FANCC: variants seen among roughly 807,000 people sequenced by gnomAD.
The protein encoded by FANCC is Fanconi anemia group C protein.
In FANCC, 55 loss-of-function variants were observed where a neutral mutation model predicts 71.3. The ratio of observed to expected loss-of-function variants is 0.77; its 90% CI spans 0.62 to 0.97. The LOEUF is 0.97. FANCC is among the 50% of genes least tolerant of loss of function. The probability of loss-of-function intolerance (pLI) is 0.00; values close to 1 mark genes in which losing one functional copy is unlikely to be tolerated. For missense variants in FANCC, 678 were observed against 670.9 expected (o/e 1.01, Z -0.12); for synonymous variants, 275 against 244.9 (o/e 1.12, Z -1.15).
intron 4 of FANCC, among the ~76,000 whole-genome samples, chr9:95,187,072 C>T (rs1826773768): frequency 6.6e-6 from 1 of 152,092 alleles, no homozygotes; most frequent in Admixed American, 6.5e-5. Flanking sequence ...CGTGCCTGGC[C>T]TTAGGATAAT....
At chr9:95,166,428 C>T (rs1030109100) in intron 6 of FANCC, among the ~76,000 whole-genome samples, 2 of 152,036 alleles carry the variant, frequency 1.3e-5, no homozygotes, top group Non-Finnish European at 2.9e-5. Context: ...CATTAAACAT[C>T]TTAGAGTTAT....
At chr9:95,182,362 T>C (rs1210655313) in intron 4 of FANCC, among the ~76,000 whole-genome samples, 4 of 151,654 alleles carry the variant, frequency 2.6e-5, no homozygotes, top group East Asian at 1.9e-4. Flanking sequence ...CTACTAAAAA[T>C]ACAAAAAATT....
At chr9:95,187,132 A>G (rs1438126880) in intron 4 of FANCC, among the ~76,000 whole-genome samples, 1 of 152,160 alleles carries the variant, frequency 6.6e-6, no homozygotes, top group Non-Finnish European at 1.5e-5. Context: ...ATAAAAGTAG[A>G]TGATAAAACT....
intron 10 of FANCC, among the ~76,000 whole-genome samples, chr9:95,124,783 G>A (rs148223979): frequency 9.2e-5 from 14 of 152,334 alleles, no homozygotes; most frequent in East Asian, 1.9e-4. Context: ...TGTCCTGCTC[G>A]GCAGACAGTG....
At chr9:95,300,647 G>GT (rs1250728921) in intron 1 of FANCC, among the ~76,000 whole-genome samples, 1 of 152,058 alleles carries the variant, frequency 6.6e-6, no homozygotes, top group Non-Finnish European at 1.5e-5. Context: ...TAGAGACGGA[G>GT]TTTCTCTTGC....
chr9:95,117,290 G>A, intron 11 of FANCC, 25 bp downstream of exon 11: 2 of 1,606,480 alleles, frequency 1.2e-6, no homozygotes, highest in Non-Finnish European at 1.7e-6. Flanking sequence ...TCATTCTGAT[G>A]TGGGCAAAGT....
At chr9:95,292,633 C>G in intron 1 of FANCC, 1 of 1,409,936 alleles carries the variant, frequency 7.1e-7, no homozygotes. Flanking sequence ...AACAGCCCCG[C>G]GCTCAACATG....
At position 95,141,556 on chromosome 9, in the gene FANCC, C is replaced by T. The variant is rs578203913; in HGVS notation, c.687-6054G>A. Among the ~76,000 whole-genome samples, 10 of 152,244 alleles carry T rather than the reference C, an allele frequency of 6.6e-5. No homozygotes were observed. The South Asian group carries it at 1.9e-3, about 28-fold the overall frequency. On this transcript the variant is annotated intron_variant, in intron 7 of 14. Transcript: ENST00000289081. ...TAAACCCAACATCTTGATTGTAGGT[C>T]GGCCCTTTCTTCTAATTTACGTTTT... is the stretch of plus-strand genomic sequence containing the variant.
intron 4 of FANCC, among the ~76,000 whole-genome samples, chr9:95,235,770 G>A (rs752232208): frequency 2.0e-5 from 3 of 148,984 alleles, no homozygotes; most frequent in Non-Finnish European, 3.0e-5. Context: ...CTTGAACCCA[G>A]GAGGCGGAGG....
At chr9:95,203,321 C>T (rs2135817720) in intron 4 of FANCC, among the ~76,000 whole-genome samples, 1 of 140,456 alleles carries the variant, frequency 7.1e-6, no homozygotes, top group African/African-American at 2.7e-5. Context: ...ATCGCTTGAG[C>T]CCAGAGCTGG....
At chr9:95,174,540 T>C (rs775636947) in intron 4 of FANCC, among the ~76,000 whole-genome samples, 4 of 151,652 alleles carry the variant, frequency 2.6e-5, no homozygotes, top group Non-Finnish European at 4.4e-5. Flanking sequence ...TATATATATA[T>C]ATTTTTTTTC....
chr9:95,157,641 T>C (rs1830521457), intron 6 of FANCC, among the ~76,000 whole-genome samples: 2 of 152,222 alleles, frequency 1.3e-5, no homozygotes, highest in Non-Finnish European at 2.9e-5. Flanking sequence ...CAAGACCTAA[T>C]GCTTAGTGTA....
chr9:95,247,198 T>G (rs550983516), intron 3 of FANCC, among the ~76,000 whole-genome samples: 1 of 146,676 alleles, frequency 6.8e-6, no homozygotes, highest in African/African-American at 2.5e-5. Flanking sequence ...AAGATCTGCA[T>G]GGGTGCGTGC....
At chr9:95,273,127 T>C (rs1167322902) in intron 1 of FANCC, among the ~76,000 whole-genome samples, 1 of 152,204 alleles carries the variant, frequency 6.6e-6, no homozygotes, top group Non-Finnish European at 1.5e-5. Flanking sequence ...GTTTTTCTTT[T>C]TTGAGAAAAG....
intron 8 of FANCC, among the ~76,000 whole-genome samples, chr9:95,132,601 C>T (rs914696469): frequency 1.3e-5 from 2 of 152,180 alleles, no homozygotes; most frequent in South Asian, 2.1e-4. Context: ...CAGCATGACT[C>T]GACAGCAGTC....
At chr9:95,183,851 T>G (rs922389022) in intron 4 of FANCC, among the ~76,000 whole-genome samples, 1 of 152,206 alleles carries the variant, frequency 6.6e-6, no homozygotes, top group Non-Finnish European at 1.5e-5. Context: ...ATAATGCATA[T>G]CTACATATTT....
At chr9:95,228,384 A>C (rs1390883285) in intron 4 of FANCC, among the ~76,000 whole-genome samples, 1 of 152,144 alleles carries the variant, frequency 6.6e-6, no homozygotes, top group Non-Finnish European at 1.5e-5. Context: ...GCCTAACTGG[A>C]GTGATCACTA....
chr9:95,160,597 G>GA (rs1222400764), intron 6 of FANCC, among the ~76,000 whole-genome samples: 4 of 152,104 alleles, frequency 2.6e-5, no homozygotes, highest in African/African-American at 7.2e-5. Flanking sequence ...GGATGGCATT[G>GA]AATCTATAAA....
In FANCC at chr9:95,228,523, G is replaced by A. The variant is rs115363463; in HGVS notation, c.345+12126C>T. ...CTGATTCAGCAAATAATCACTGAACGCTTACTGTGTGCCAGGCACTATCCT... is the reference window on the plus strand; with the variant it reads ...CTGATTCAGCAAATAATCACTGAACACTTACTGTGTGCCAGGCACTATCCT... On this transcript the variant is annotated intron_variant, in intron 4 of 14. Transcript: ENST00000289081. Among the ~76,000 whole-genome samples, 522 of 152,242 alleles carry A rather than the reference G, an allele frequency of 3.4e-3. 2 individuals are homozygous for A. Among genetic ancestry groups the A allele is most frequent in the African/African-American group, 0.012 (493 of 41,516 alleles).
Sources: gnomAD v4.1 joint callset for allele counts (sites outside exome capture counted in the v4.1 genomes callset) on GRCh38, gnomAD v4.1.1 for gene constraint, MANE v1.5 for transcripts, NCBI Gene and HGNC (gene_info 2026-07-23, HGNC 2026-07-21) for gene names.